HAS3: variants seen among roughly 807,000 people sequenced by gnomAD.
HAS3 encodes HA synthase 3.
In HAS3, 27 loss-of-function variants were observed where a neutral mutation model predicts 50.3. That is an observed-to-expected ratio of 0.54 (90% CI 0.40 to 0.74). The LOEUF (loss-of-function observed/expected upper bound fraction) is 0.74, where lower values mean the gene tolerates loss of function less well. Among genes scored for constraint, HAS3 ranks in the 30% least tolerant of loss-of-function variants. HAS3 has a pLI of 0.00. For missense variants in HAS3, 517 were observed against 742.8 expected (o/e 0.70, Z 3.53); for synonymous variants, 339 against 310.9 (o/e 1.09, Z -0.95).
In HAS3 at chr16:69,114,330, T is replaced by C. The variant is rs375261239; in HGVS notation, c.739-13T>C. On this transcript the variant is annotated splice_polypyrimidine_tract_variant and intron_variant, in intron 3 of 3. Transcript: ENST00000569188. The surrounding 1 kb of genome is among the most constrained non-coding windows in gnomAD (Gnocchi z 6.4). Reference sequence around the variant, plus strand: ...GCAACCTTAGGAGGCCCAGCATCTCTATTCCCTTGCAGATCCTCAACAAGT... The same window carrying C: ...GCAACCTTAGGAGGCCCAGCATCTCCATTCCCTTGCAGATCCTCAACAAGT... 1.3e-6 allele frequency: 2 copies of C among 1,584,472 alleles called. No individual in the cohort carries two copies. Among genetic ancestry groups the C allele is most frequent in the African/African-American group, 1.3e-5 (1 of 74,822 alleles).
chr16:69,105,003 T>TG (rs1960752193), upstream of HAS3, among the ~76,000 whole-genome samples: 1 of 74,022 alleles, frequency 1.4e-5, no homozygotes, highest in Non-Finnish European at 2.9e-5. Flanking sequence ...TTTTTTTTTT[T>TG]TTTTTTTTTT....
At chr16:69,103,003 ATGTGTGTGTGTG>A (rs35175934), upstream of HAS3, among the ~76,000 whole-genome samples, 93 of 138,784 alleles carry the variant, frequency 6.7e-4, no homozygotes, top group Non-Finnish European at 8.6e-4. Context: ...TGGAGTGTGC[ATGTGTGTGTGTG>A]TGTGTGTGTG....
chr16:69,118,463 G>A (rs747373991), downstream of HAS3: 1 of 1,577,342 alleles, frequency 6.3e-7, no homozygotes, highest in South Asian at 1.1e-5. Flanking sequence ...AGAGCAGTGA[G>A]CTGATTCTCC....
At position 69,115,024 on chromosome 16, in the gene HAS3, A is replaced by G. The variant is rs1441084633; in HGVS notation, c.1420A>G (p.Ile474Val). ...SGWGTSGRKT[I>V]VVNFIGLIPV... ...CTGGGGCACCTCTGGCCGAAAAACC[A>G]TTGTGGTGAACTTCATTGGCCTCAT... The change falls in exon 4 of 4, where the codon ATT (isoleucine) becomes GTT (valine). Residue 474 changes from isoleucine (I) to valine (V), a missense_variant. Ile to Val is a conservative substitution (Grantham distance 29). Transcript: ENST00000569188. The G allele has an allele frequency of 1.9e-6, 3 of 1,613,938 alleles. No homozygotes were observed. Among genetic ancestry groups the G allele is most frequent in the Non-Finnish European group, 2.5e-6 (3 of 1,180,016 alleles).
At chr16:69,093,293 T>A in the HAS3 span, among the ~76,000 whole-genome samples, 3 of 151,796 alleles carry the variant, frequency 2.0e-5, no homozygotes, top group East Asian at 5.8e-4. Flanking sequence ...TCACCTGCAA[T>A]CTCCACCTCC....
the HAS3 span, among the ~76,000 whole-genome samples, chr16:69,086,064 C>T: frequency 1.3e-5 from 2 of 151,224 alleles, no homozygotes; most frequent in Admixed American, 6.6e-5. Flanking sequence ...GATGAGGTCT[C>T]GCTATGTTGC....
At chr16:69,095,437 G>A in the HAS3 span, among the ~76,000 whole-genome samples, 1 of 152,094 alleles carries the variant, frequency 6.6e-6, no homozygotes, top group Non-Finnish European at 1.5e-5. Context: ...TGCCAGAAAT[G>A]CACTTGTAAG....
At position 69,114,225 on chromosome 16, in the gene HAS3, A is replaced by C. The variant is rs1961103675; in HGVS notation, c.739-118A>C. On this transcript the variant is annotated intron_variant, in intron 3 of 3. Coordinates refer to ENST00000569188, the MANE Select transcript of HAS3 (RefSeq NM_001199280.2). This position sits in a 1 kb window ranked among gnomAD's most constrained non-coding sequence, Gnocchi z 6.4. ...AGGTTTCCCAGCTCCAAAGGAACCG[A>C]TGGCCAGGAATCTAAGCAGCGGGCC... The C allele has an allele frequency of 6.9e-7, 1 of 1,456,360 alleles. No individual in the cohort carries two copies. Among genetic ancestry groups the C allele is most frequent in the Non-Finnish European group, 9.1e-7 (1 of 1,096,332 alleles). The allele number at this position is 1,456,360 out of a possible 1,614,324, so 90.2% of individuals were successfully genotyped here. A position where few individuals can be genotyped will look rare whatever the true frequency, so the allele number is the denominator to read the frequency against.
chr16:69,109,627 A>G lies in HAS3; in HGVS notation c.232A>G (p.Lys78Glu). 6.2e-7 allele frequency: 1 copy of G among 1,611,442 alleles called. No individual in the cohort carries two copies. Among genetic ancestry groups the G allele is most frequent in the Non-Finnish European group, 8.5e-7 (1 of 1,179,640 alleles). ...RRMRRAGQAL[K>E]LPSPRRGSVA... ...CATGCGACGTGCCGGCCAGGCCCTG[A>G]AGCTGCCCTCCCCGCGGCGGGGCTC... is the stretch of plus-strand genomic sequence containing the variant. Residue 78 changes from lysine to glutamate, a missense_variant, in exon 2 of 4, where the codon AAG becomes GAG. By Grantham distance (56) the Lys-to-Glu change is moderately conservative. Coordinates refer to ENST00000569188, the MANE Select transcript of HAS3 (RefSeq NM_001199280.2). This position sits in a 1 kb window ranked among gnomAD's most constrained non-coding sequence, Gnocchi z 5.3.
Position 69,117,576 on chromosome 16 carries a change from C to CTTTTTT in HAS3, c.*2321_*2326dup, listed in dbSNP as rs10558208. 8.3e-4 allele frequency: 578 copies of CTTTTTT among 698,242 alleles called. 1 individual carries two copies. Among genetic ancestry groups the CTTTTTT allele is most frequent in the Non-Finnish European group, 9.4e-4 (540 of 574,898 alleles). The allele number at this position is 698,242 out of a possible 1,614,324, so 43.3% of individuals were successfully genotyped here. On this transcript the variant is annotated 3_prime_UTR_variant, in exon 4 of 4. Transcript: ENST00000569188. ...TTGTAAACATATTTATTTTTACCTG[C>CTTTTTT]TTTTTTTTTTTTTTTTAATTTTCAG... is the stretch of plus-strand genomic sequence containing the variant.
At position 69,115,843 on chromosome 16, in the gene HAS3, T is replaced by C. The variant is rs1281970655; in HGVS notation, c.*577T>C. The C allele has an allele frequency of 4.1e-6, 4 of 985,746 alleles. No homozygotes were observed. The highest frequency in any genetic ancestry group is 1.1e-4 in the East Asian group (1 of 8,834). The allele number at this position is 985,746 out of a possible 1,614,324, so 61.1% of individuals were successfully genotyped here. A position where few individuals can be genotyped will look rare whatever the true frequency, so the allele number is the denominator to read the frequency against. The stretch of plus-strand genomic sequence containing the variant: ...TCCAGGAATGGTGCTTTATGTGAGA[T>C]ACCCCACTCCACATCAACATTCCAG... On this transcript the variant is annotated 3_prime_UTR_variant, in exon 4 of 4. Transcript: ENST00000569188.
chr16:69,086,522 A>ATGTGTGTGTGTGTG, the HAS3 span, among the ~76,000 whole-genome samples: 45 of 138,420 alleles, frequency 3.3e-4, no homozygotes, highest in South Asian at 7.5e-4. Context: ...TTTCTATATT[A>ATGTGTGTGTGTGTG]TGTGTGTGTG....
Position 69,115,990 on chromosome 16 carries a change from C to A in HAS3, c.*724C>A, listed in dbSNP as rs1385126158. On this transcript the variant is annotated 3_prime_UTR_variant, in exon 4 of 4. Coordinates refer to ENST00000569188, the MANE Select transcript of HAS3 (RefSeq NM_001199280.2). ...GTGCTAAAGGAGGCCATAAGCTACA[C>A]AGAGGCCTTGGGTGTTCCACCTGGA... 2.0e-6 allele frequency: 2 copies of A among 985,702 alleles called. No homozygotes were observed. Among genetic ancestry groups the A allele is most frequent in the African/African-American group, 3.5e-5 (2 of 57,224 alleles). 61.1% of individuals were successfully genotyped at this position (985,702 alleles called of 1,614,324 possible). A position where few individuals can be genotyped will look rare whatever the true frequency, so the allele number is the denominator to read the frequency against.
the HAS3 span, among the ~76,000 whole-genome samples, chr16:69,085,775 C>T: frequency 6.7e-6 from 1 of 148,632 alleles, no homozygotes; most frequent in Non-Finnish European, 1.5e-5. Context: ...GACAGGGTTT[C>T]TCCATATTGG....
At chr16:69,087,598 CCTT>C in the HAS3 span, among the ~76,000 whole-genome samples, 1 of 151,556 alleles carries the variant, frequency 6.6e-6, no homozygotes, top group African/African-American at 2.4e-5. Flanking sequence ...CAGGGTTTCA[CCTT>C]CTTGGCCAGG....
chr16:69,108,508 G>A (rs1294078629), intron 1 of HAS3, among the ~76,000 whole-genome samples: 2 of 152,186 alleles, frequency 1.3e-5, no homozygotes, highest in African/African-American at 2.4e-5. Flanking sequence ...AATGGAAACC[G>A]GGCATTGTTT....
intron 2 of HAS3, 129 bp from the exon 3 acceptor site, chr16:69,113,312 T>G (rs1961069158): frequency 1.4e-6 from 1 of 724,210 alleles, no homozygotes; most frequent in Non-Finnish European, 2.5e-6. Context: ...ATCTCTTAGC[T>G]AGAGGCTGGA....
rs751891527 is a variant in HAS3, at chr16:69,115,078, C to T, written c.1474C>T (p.Leu492=). The T allele has an allele frequency of 6.2e-7, 1 of 1,613,366 alleles. No homozygotes were observed. Among genetic ancestry groups the T allele is most frequent in the African/African-American group, 1.3e-5 (1 of 74,912 alleles). Residue 492 remains leucine (L), a synonymous_variant, in exon 4 of 4, where the codon CTG becomes TTG. Coordinates refer to ENST00000569188, the MANE Select transcript of HAS3 (RefSeq NM_001199280.2). ...IPVSIWVAVL[L]GGLAYTAYCQ... The stretch of plus-strand genomic sequence containing the variant: ...TGTGTCCATCTGGGTGGCAGTTCTC[C>T]TGGGAGGGCTGGCCTACACAGCTTA...
At chr16:69,104,042 T>C (rs1001260271), upstream of HAS3, among the ~76,000 whole-genome samples, 2 of 152,142 alleles carry the variant, frequency 1.3e-5, no homozygotes, top group African/African-American at 2.4e-5. Context: ...CTGGATAGCA[T>C]GCCTATAGGA....
Sources: allele counts gnomAD v4.1 joint callset (sites outside exome capture counted in the v4.1 genomes callset), GRCh38; gene constraint gnomAD v4.1.1; non-coding constraint Gnocchi (gnomAD v3.1); transcripts MANE v1.5; gene names NCBI Gene and HGNC (gene_info 2026-07-23, HGNC 2026-07-21).